Variants in KCND2 observed in about 807,000 individuals in gnomAD.
KCND2 encodes A-type voltage-gated potassium channel KCND2.
KCND2 carries 16 observed loss-of-function variants against 54.4 expected under a neutral mutation model. The ratio of observed to expected loss-of-function variants is 0.29; its 90% CI spans 0.20 to 0.45. The LOEUF (loss-of-function observed/expected upper bound fraction) is 0.45, where lower values mean the gene tolerates loss of function less well. KCND2 is among the 20% of genes least tolerant of loss of function. KCND2 has a pLI of 1.00. For missense variants in KCND2, 486 were observed against 824.2 expected, an observed-to-expected ratio of 0.59 and a Z score of 5.02; for synonymous variants, 317 against 310.7, an observed-to-expected ratio of 1.02 and a Z score of -0.21.
At chr7:120,315,660 C>T (rs916591171) in intron 1 of KCND2, among the ~76,000 whole-genome samples, 7 of 152,106 alleles carry the variant, frequency 4.6e-5, no homozygotes, top group Middle Eastern at 6.8e-3. Context: ...TGAAATAGTT[C>T]CCCTCTATCA....
chr7:120,497,662 T>A (rs1337449620), intron 1 of KCND2, among the ~76,000 whole-genome samples: 1 of 152,184 alleles, frequency 6.6e-6, no homozygotes, highest in Non-Finnish European at 1.5e-5. Context: ...GCCATTACAC[T>A]CAATGTCCGT....
intron 1 of KCND2, among the ~76,000 whole-genome samples, chr7:120,430,410 C>T (rs1048622991): frequency 6.6e-6 from 1 of 151,966 alleles, no homozygotes; most frequent in Non-Finnish European, 1.5e-5. Context: ...CTTAAGGTCT[C>T]GAGTTTGAGA....
chr7:120,579,645 T>A (rs960535027), intron 1 of KCND2, among the ~76,000 whole-genome samples: 1 of 131,922 alleles, frequency 7.6e-6, no homozygotes, highest in Non-Finnish European at 1.6e-5. Flanking sequence ...AATAAATAAA[T>A]AAAATAAAAT....
chr7:120,697,908 T>G (rs1792351045), intron 1 of KCND2, among the ~76,000 whole-genome samples: 1 of 152,190 alleles, frequency 6.6e-6, no homozygotes, highest in African/African-American at 2.4e-5. Context: ...GGTCATAGAT[T>G]TTTAAACATC....
chr7:120,316,992 T>C (rs1361259159), intron 1 of KCND2, among the ~76,000 whole-genome samples: 1 of 152,142 alleles, frequency 6.6e-6, no homozygotes, highest in Admixed American at 6.6e-5. Context: ...CATTCAACGA[T>C]GCCCAGCTGA....
intron 1 of KCND2, among the ~76,000 whole-genome samples, chr7:120,289,110 G>A (rs1031194800): frequency 6.7e-6 from 1 of 149,734 alleles, no homozygotes; most frequent in African/African-American, 2.5e-5. Flanking sequence ...AGAAAGAAAA[G>A]TAAAGAGAAA....
chr7:120,732,889 T>C lies in KCND2; in HGVS notation c.1116-14T>C. ...GACTTAAAACAATATATATATATTT[T>C]TTCTTTAACTCAGGTATGGTGACAT... On this transcript the variant is annotated splice_polypyrimidine_tract_variant and intron_variant, in intron 1 of 5. Transcript: ENST00000331113. The C allele has an allele frequency of 6.2e-7, 1 of 1,607,448 alleles. No individual in the cohort carries two copies. The highest frequency in any genetic ancestry group is 8.5e-7 in the Non-Finnish European group (1 of 1,174,270).
At chr7:120,545,388 T>TA (rs1792031066) in intron 1 of KCND2, among the ~76,000 whole-genome samples, 1 of 151,888 alleles carries the variant, frequency 6.6e-6, no homozygotes, top group Admixed American at 6.6e-5. Context: ...ATTTGAGTGT[T>TA]AAAGTATGCC....
At chr7:120,474,484 C>T (rs187722329) in intron 1 of KCND2, among the ~76,000 whole-genome samples, 112 of 151,638 alleles carry the variant, frequency 7.4e-4, no homozygotes, top group African/African-American at 1.9e-3. Flanking sequence ...ATTACAGGCA[C>T]GTGCCACCAT....
chr7:120,606,066 A>G (rs1050691036), intron 1 of KCND2, among the ~76,000 whole-genome samples: 3 of 152,158 alleles, frequency 2.0e-5, no homozygotes, highest in Admixed American at 6.5e-5. Flanking sequence ...CTTTTCTGCC[A>G]CCATGTAAGG....
intron 1 of KCND2, among the ~76,000 whole-genome samples, chr7:120,413,950 CT>C (rs11375185): frequency 5.1e-4 from 71 of 139,514 alleles, no homozygotes; most frequent in East Asian, 6.4e-4. Context: ...AGGCAATTTT[CT>C]TTTTTTTTTT....
intron 1 of KCND2, among the ~76,000 whole-genome samples, chr7:120,554,702 C>G (rs1792142118): frequency 6.6e-6 from 1 of 152,188 alleles, no homozygotes; most frequent in Non-Finnish European, 1.5e-5. Context: ...GCCACCGCGC[C>G]TGGCCGAGAA....
intron 1 of KCND2, among the ~76,000 whole-genome samples, chr7:120,574,661 T>C (rs759595137): frequency 6.6e-6 from 1 of 152,164 alleles, no homozygotes; most frequent in Non-Finnish European, 1.5e-5. Context: ...TTTGTTAGAC[T>C]GAGGTGCAGC....
chr7:120,658,944 T>A (rs772006765), intron 1 of KCND2, among the ~76,000 whole-genome samples: 31 of 152,174 alleles, frequency 2.0e-4, no homozygotes, highest in Non-Finnish European at 4.1e-4. Context: ...TGAACTAAAC[T>A]TCCTTCAAAC....
intron 1 of KCND2, among the ~76,000 whole-genome samples, chr7:120,678,236 A>G (rs899755807): frequency 6.6e-6 from 1 of 151,364 alleles, no homozygotes; most frequent in Non-Finnish European, 1.5e-5. Flanking sequence ...CATCTAAATA[A>G]GCATGGTGCA....
chr7:120,455,140 T>TA (rs987906542), intron 1 of KCND2, among the ~76,000 whole-genome samples: 1 of 152,096 alleles, frequency 6.6e-6, no homozygotes, highest in East Asian at 1.9e-4. Flanking sequence ...TACTTTTTTT[T>TA]ATCAAACTGT....
At chr7:120,595,591 G>GTGTGTGTGTATATA (rs370024431) in intron 1 of KCND2, among the ~76,000 whole-genome samples, 1 of 131,898 alleles carries the variant, frequency 7.6e-6, no homozygotes, top group Non-Finnish European at 1.6e-5. Flanking sequence ...GTGTGTGTGT[G>GTGTGTGTGTATATA]TATATATATA....
intron 1 of KCND2, among the ~76,000 whole-genome samples, chr7:120,423,068 T>C (rs1801649468): frequency 6.6e-6 from 1 of 152,210 alleles, no homozygotes; most frequent in African/African-American, 2.4e-5. Flanking sequence ...TGCACCTTGA[T>C]AAGAAAGAAG....
At chr7:120,697,764 A>C (rs1383762420) in intron 1 of KCND2, among the ~76,000 whole-genome samples, 3 of 152,234 alleles carry the variant, frequency 2.0e-5, no homozygotes, top group Non-Finnish European at 4.4e-5. Context: ...CACGCCACTG[A>C]ACAATAAAAT....
Sources: allele counts gnomAD v4.1 joint callset (sites outside exome capture counted in the v4.1 genomes callset), GRCh38; gene constraint gnomAD v4.1.1; transcripts MANE v1.5; gene names NCBI Gene and HGNC (gene_info 2026-07-23, HGNC 2026-07-21).